FNBP4: variants seen among roughly 807,000 people sequenced by gnomAD.
FNBP4 encodes formin-binding protein 4.
FNBP4 carries 34 observed loss-of-function variants against 119.3 expected under a neutral mutation model. The ratio of observed to expected loss-of-function variants is 0.28; its 90% CI spans 0.22 to 0.38. FNBP4 has a LOEUF of 0.38. Among genes scored for constraint, FNBP4 ranks in the 10% least tolerant of loss-of-function variants. The pLI, the probability that FNBP4 is intolerant of heterozygous loss-of-function variation, is 1.00. For missense variants in FNBP4, 1,112 were observed against 1,228.9 expected (o/e 0.90, Z 1.42); for synonymous variants, 462 against 430.6 (o/e 1.07, Z -0.90).
At chr11:47,750,243 G>A (rs1302110545) in intron 6 of FNBP4, among the ~76,000 whole-genome samples, 1 of 151,984 alleles carries the variant, frequency 6.6e-6, no homozygotes, top group African/African-American at 2.4e-5. Flanking sequence ...GCCAGGCATG[G>A]TGGCAGGTGC....
chr11:47,718,912 T>G (rs1003745037), intron 16 of FNBP4, among the ~76,000 whole-genome samples: 1 of 150,820 alleles, frequency 6.6e-6, no homozygotes, highest in Non-Finnish European at 1.5e-5. Context: ...CATGTTTTTT[T>G]TTTTTTTTTT....
At chr11:47,745,127 AATTG>A (rs2097587860) in intron 7 of FNBP4, among the ~76,000 whole-genome samples, 1 of 152,152 alleles carries the variant, frequency 6.6e-6, no homozygotes, top group Non-Finnish European at 1.5e-5. Context: ...TAACTGTACA[AATTG>A]ATTGTAAAAC....
intron 12 of FNBP4, among the ~76,000 whole-genome samples, chr11:47,730,840 C>T (rs1599175218): frequency 6.6e-6 from 1 of 152,280 alleles, no homozygotes; most frequent in South Asian, 2.1e-4. Context: ...TTGTTTTAGA[C>T]CAGAAGATTG....
In FNBP4 at chr11:47,734,008, A is replaced by G. The variant is rs765485329; in HGVS notation, c.1686+17T>C. 2.0e-5 allele frequency: 27 copies of G among 1,371,964 alleles called. No individual in the cohort carries two copies. The highest frequency in any genetic ancestry group is 2.6e-5 in the Non-Finnish European group (26 of 1,018,944). 85.0% of individuals were successfully genotyped at this position (1,371,964 alleles called of 1,614,324 possible). Reference sequence around the variant, plus strand: ...CACTTAACTGTTTATGCCAAAAAAAAAAAAAAAAAGACTTACCTCAGTCTG... The same window carrying G: ...CACTTAACTGTTTATGCCAAAAAAAGAAAAAAAAAGACTTACCTCAGTCTG... On this transcript the variant is annotated intron_variant, in intron 10 of 16. Transcript: ENST00000263773.
intron 6 of FNBP4, 80 bp downstream of exon 6, chr11:47,750,836 G>C: frequency 7.0e-7 from 1 of 1,428,034 alleles, no homozygotes; most frequent in East Asian, 2.3e-5. Context: ...AAAATATTAA[G>C]AGAAGGCTTC....
chr11:47,723,915 T>G, intron 14 of FNBP4, 113 bp downstream of exon 14: 1 of 926,370 alleles, frequency 1.1e-6, no homozygotes. Flanking sequence ...AAATGCATAC[T>G]GACAGTCTTT....
intron 8 of FNBP4, among the ~76,000 whole-genome samples, chr11:47,737,002 G>A (rs1253583967): frequency 6.6e-6 from 1 of 152,064 alleles, no homozygotes; most frequent in African/African-American, 2.4e-5. Flanking sequence ...TCAGGAGATC[G>A]AGACCATCTT....
Position 47,717,397 on chromosome 11 carries a change from C to T in FNBP4, c.*25G>A. On this transcript the variant is annotated 3_prime_UTR_variant, in exon 17 of 17. Coordinates refer to ENST00000263773, the MANE Select transcript of FNBP4 (RefSeq NM_015308.5). Reference sequence around the variant, plus strand: ...ACTGAACACAAAACAAACAATAATACAAAAAAGTTTTAAAAACTTAAAAAC... The same window carrying T: ...ACTGAACACAAAACAAACAATAATATAAAAAAGTTTTAAAAACTTAAAAAC... 6.6e-7 allele frequency: 1 copy of T among 1,520,780 alleles called. No homozygotes were observed. The highest frequency in any genetic ancestry group is 9.1e-7 in the Non-Finnish European group (1 of 1,103,956). The allele number at this position is 1,520,780 out of a possible 1,614,324, so 94.2% of individuals were successfully genotyped here. A position where few individuals can be genotyped will look rare whatever the true frequency, so the allele number is the denominator to read the frequency against.
Position 47,744,059 on chromosome 11 carries a change from C to T in FNBP4, c.1350G>A (p.Met450Ile), listed in dbSNP as rs752746289. The change falls in exon 8 of 17, where the codon ATG (methionine) becomes ATA (isoleucine). Residue 450 changes from methionine (M) to isoleucine (I), a missense_variant. Coordinates refer to ENST00000263773, the MANE Select transcript of FNBP4 (RefSeq NM_015308.5). ...PASQDGMRRLMSKRGKWKMFV... is the reference protein window; with the variant it reads ...PASQDGMRRLISKRGKWKMFV... ...ACATCTTCCATTTTCCTCTTTTAGA[C>T]ATAAGCCTACGCATTCCATCTTGAG... 4 of 1,614,032 alleles carry T rather than the reference C, an allele frequency of 2.5e-6. No homozygotes were observed. Among genetic ancestry groups the T allele is most frequent in the African/African-American group, 1.3e-5 (1 of 74,922 alleles).
intron 8 of FNBP4, 52 bp downstream of exon 8, chr11:47,743,901 C>G: frequency 2.6e-4 from 379 of 1,460,802 alleles, no homozygotes; most frequent in Middle Eastern, 1.4e-3. Context: ...ACAAGAGTTT[C>G]CTTCCCCTCT....
intron 3 of FNBP4, 68 bp from the exon 4 acceptor site, chr11:47,753,170 T>C (rs1042509147): frequency 2.2e-6 from 3 of 1,354,182 alleles, no homozygotes; most frequent in Non-Finnish European, 3.0e-6. Context: ...GAAATGGCAA[T>C]CACTTTTTAA....
In FNBP4 at chr11:47,767,145, C is replaced by G. The variant is rs749208784; in HGVS notation, c.144G>C (p.Gln48His). 20 of 1,544,610 alleles carry G rather than the reference C, an allele frequency of 1.3e-5. No homozygotes were observed. Among genetic ancestry groups the G allele is most frequent in the Non-Finnish European group, 1.7e-5 (20 of 1,150,456 alleles). The change falls in exon 1 of 17, where the codon CAG (glutamine) becomes CAC (histidine). Residue 48 changes from glutamine to histidine, a missense_variant. Coordinates refer to ENST00000263773, the MANE Select transcript of FNBP4 (RefSeq NM_015308.5). ...EPDSTAAVPS[Q>H]PAPSAATTTT... ...TGGTCGTCGCCGCCGACGGGGCGGG[C>G]TGGCTGGGGACCGCCGCGGTTGAGT... is the stretch of plus-strand genomic sequence containing the variant.
chr11:47,735,200 T>C (rs185086281), intron 9 of FNBP4, among the ~76,000 whole-genome samples: 11 of 152,254 alleles, frequency 7.2e-5, no homozygotes, highest in Admixed American at 3.3e-4. Context: ...ATGCAAGATA[T>C]ATGTATAGTC....
intron 8 of FNBP4, among the ~76,000 whole-genome samples, chr11:47,742,940 CTTTA>C (rs1051200840): frequency 1.1e-4 from 17 of 150,682 alleles, no homozygotes; most frequent in African/African-American, 3.9e-4. Context: ...GGATGTCTTT[CTTTA>C]TTTAACACCT....
chr11:47,726,508 C>G (rs2097561218), intron 12 of FNBP4: 1 of 145,876 alleles, frequency 6.9e-6, no homozygotes, highest in South Asian at 2.2e-4. Flanking sequence ...ACAGACAATA[C>G]ATTGTATAAA....
chr11:47,754,347 CTTAAAG>C (rs1158705176), intron 3 of FNBP4, among the ~76,000 whole-genome samples, 175 bp downstream of exon 3: 2 of 151,956 alleles, frequency 1.3e-5, no homozygotes, highest in African/African-American at 2.4e-5. Context: ...GACCCCATCT[CTTAAAG>C]TTAAACAAAA....
intron 7 of FNBP4, among the ~76,000 whole-genome samples, chr11:47,744,858 A>G (rs1306477554): frequency 7.2e-5 from 11 of 152,168 alleles, no homozygotes; most frequent in Non-Finnish European, 1.2e-4. Context: ...ACCCATTTGT[A>G]TAAGTCTGAG....
rs2097550289 is a variant in FNBP4 at position 47,716,730 on chromosome 11, G to A, written c.*692C>T. 6.6e-6 allele frequency: 1 copy of A among 152,594 alleles called. No individual in the cohort carries two copies. The highest frequency in any genetic ancestry group is 2.4e-5 in the African/African-American group (1 of 41,422). 9.5% of individuals were successfully genotyped at this position (152,594 alleles called of 1,614,324 possible). On this transcript the variant is annotated 3_prime_UTR_variant, in exon 17 of 17. Coordinates refer to ENST00000263773, the MANE Select transcript of FNBP4 (RefSeq NM_015308.5). ...ATACATTCACATAAAGAAAGGAGGT[G>A]AATTTTGTTTTGGAACAGGGTTAAG... is the stretch of plus-strand genomic sequence containing the variant.
At chr11:47,735,079 C>T (rs2097572339) in intron 9 of FNBP4, among the ~76,000 whole-genome samples, 1 of 151,644 alleles carries the variant, frequency 6.6e-6, no homozygotes, top group Admixed American at 6.6e-5. Context: ...GTATCATCCC[C>T]ACATACAAAC....
Sources: allele counts gnomAD v4.1 joint callset (sites outside exome capture counted in the v4.1 genomes callset), GRCh38; gene constraint gnomAD v4.1.1; transcripts MANE v1.5; gene names NCBI Gene and HGNC (gene_info 2026-07-23, HGNC 2026-07-21).